DPYSL5: variants seen among roughly 807,000 people sequenced by gnomAD.
DPYSL5 encodes the protein dihydropyrimidinase-related protein 5.
DPYSL5 carries 9 observed loss-of-function variants against 58.4 expected under a neutral mutation model. The observed-to-expected ratio is 0.15, with a 90% CI of 0.09 to 0.27. The LOEUF (loss-of-function observed/expected upper bound fraction) is 0.27. Among genes scored for constraint, DPYSL5 ranks in the 10% least tolerant of loss-of-function variants. The pLI, the probability that DPYSL5 is intolerant of heterozygous loss-of-function variation, is 1.00. For synonymous variants in DPYSL5, 293 were observed against 301.9 expected, an observed-to-expected ratio of 0.97 and a Z score of 0.31; for missense variants, 499 against 770.6, an observed-to-expected ratio of 0.65 and a Z score of 4.17.
At chr2:26,935,383 C>T (rs746144493) in intron 8 of DPYSL5, among the ~76,000 whole-genome samples, 1 of 152,182 alleles carries the variant, frequency 6.6e-6, no homozygotes, top group Non-Finnish European at 1.5e-5. Context: ...CAGCTTCTTT[C>T]TCTCTCCTAT....
chr2:26,927,638 G>C lies in DPYSL5; in HGVS notation c.600+206G>C, dbSNP rs1558348604. On this transcript the variant is annotated intron_variant, in intron 4 of 12. Coordinates refer to ENST00000288699, the MANE Select transcript of DPYSL5 (RefSeq NM_020134.4). This position sits in a 1 kb window ranked among gnomAD's most constrained non-coding sequence, Gnocchi z 4.3. ...CTGTAAAAAACAAATCTCTTTTTATGGTTCAAAAAGGCTTCTAAGTCGTAG... is the reference window on the plus strand; with the variant it reads ...CTGTAAAAAACAAATCTCTTTTTATCGTTCAAAAAGGCTTCTAAGTCGTAG... 6.6e-6 allele frequency among the ~76,000 whole-genome samples: 1 copy of C among 152,164 alleles called. No homozygotes were observed. The highest frequency in any genetic ancestry group is 1.5e-5 in the Non-Finnish European group (1 of 68,026).
Position 26,925,177 on chromosome 2 carries a change from A to G in DPYSL5, c.420+132A>G. 3 of 1,180,888 alleles carry G rather than the reference A, an allele frequency of 2.5e-6. No homozygotes were observed. Among genetic ancestry groups the G allele is most frequent in the Non-Finnish European group, 3.5e-6 (3 of 857,540 alleles). The allele number at this position is 1,180,888 out of a possible 1,614,324, so 73.2% of individuals were successfully genotyped here. The stretch of plus-strand genomic sequence containing the variant: ...CCATCCTAGCTCCCCACAATGCCAA[A>G]AGAAAACACACTTGGGATTCCATAA... On this transcript the variant is annotated intron_variant, in intron 3 of 12. Transcript: ENST00000288699. The surrounding 1 kb of genome is among the most constrained non-coding windows in gnomAD (Gnocchi z 4.5).
At chr2:26,862,083 C>T (rs1666030880) in intron 1 of DPYSL5, among the ~76,000 whole-genome samples, 1 of 152,116 alleles carries the variant, frequency 6.6e-6, no homozygotes, top group South Asian at 2.1e-4. Context: ...CTCCCCCAGG[C>T]AGGTCTCCAG....
intron 2 of DPYSL5, among the ~76,000 whole-genome samples, chr2:26,923,481 C>T (rs1220430994): frequency 6.6e-6 from 1 of 152,112 alleles, no homozygotes; most frequent in Non-Finnish European, 1.5e-5. Context: ...GACTTTGCAT[C>T]CAGAGAAGTT....
chr2:26,866,192 G>A (rs993208954), intron 1 of DPYSL5, among the ~76,000 whole-genome samples: 8 of 152,270 alleles, frequency 5.3e-5, no homozygotes, highest in East Asian at 3.9e-4. Flanking sequence ...ATTACCTAAC[G>A]CTTCTGAACC....
chr2:26,870,239 G>C (rs1176587645), intron 1 of DPYSL5, among the ~76,000 whole-genome samples: 1 of 152,090 alleles, frequency 6.6e-6, no homozygotes, highest in South Asian at 2.1e-4. Context: ...CACTTGAGTC[G>C]TTTTGTCCTG....
chr2:26,896,475 A>C (rs1406265359), intron 1 of DPYSL5, among the ~76,000 whole-genome samples: 1 of 152,188 alleles, frequency 6.6e-6, no homozygotes, highest in East Asian at 1.9e-4. Context: ...GTTTTCCATA[A>C]TGGCTATACT....
intron 1 of DPYSL5, among the ~76,000 whole-genome samples, chr2:26,866,412 C>T (rs1389282751): frequency 6.6e-6 from 1 of 151,920 alleles, no homozygotes; most frequent in Non-Finnish European, 1.5e-5. Flanking sequence ...ATCCCACAAC[C>T]CTAAAATAGC....
rs115086408 is a variant in DPYSL5, at chr2:26,861,223, A to G, written c.-5+12969A>G. ...AACAAGAAAGGCTCTGAGATCAGGA[A>G]GTAGGTATGACCCATTATTGCTGAC... On this transcript the variant is annotated intron_variant, in intron 1 of 12. Coordinates refer to ENST00000288699, the MANE Select transcript of DPYSL5 (RefSeq NM_020134.4). Among the ~76,000 whole-genome samples the G allele has an allele frequency of 6.9e-3, 1,052 of 152,340 alleles. 22 individuals carry two copies. Among genetic ancestry groups the G allele is most frequent in the African/African-American group, 0.024 (1,003 of 41,580 alleles).
chr2:26,928,178 C>T, intron 4 of DPYSL5, 77 bp from the exon 5 acceptor site: 1 of 1,458,106 alleles, frequency 6.9e-7, no homozygotes, highest in East Asian at 2.3e-5. Flanking sequence ...GCATATTTCA[C>T]TGTCCCTTGG....
At chr2:26,926,948 G>C (rs559724469) in intron 3 of DPYSL5, among the ~76,000 whole-genome samples, 1 of 152,176 alleles carries the variant, frequency 6.6e-6, no homozygotes. Flanking sequence ...TACCATTAAG[G>C]CTGGTTTGGA....
chr2:26,867,601 G>C lies in DPYSL5; in HGVS notation c.-5+19347G>C, dbSNP rs898582622. Among the ~76,000 whole-genome samples, 6 of 150,690 alleles carry C rather than the reference G, an allele frequency of 4.0e-5. No individual in the cohort carries two copies. In the East Asian group the frequency reaches 1.2e-3, roughly 29 times the overall value. Reference sequence around the variant, plus strand: ...CTCCCAAGTAGCTGGGACTACAGGCGCCCGCCACTACGCCCGGCTAATTTT... The same window carrying C: ...CTCCCAAGTAGCTGGGACTACAGGCCCCCGCCACTACGCCCGGCTAATTTT... On this transcript the variant is annotated intron_variant, in intron 1 of 12. Coordinates refer to ENST00000288699, the MANE Select transcript of DPYSL5 (RefSeq NM_020134.4).
At chr2:26,904,595 GGAGACCCA>G in intron 2 of DPYSL5, among the ~76,000 whole-genome samples, 1 of 152,228 alleles carries the variant, frequency 6.6e-6, no homozygotes, top group Middle Eastern at 3.4e-3. Context: ...CCCATTGATA[GGAGACCCA>G]GAGAGGATGC....
chr2:26,852,183 T>C (rs947791166), intron 1 of DPYSL5, among the ~76,000 whole-genome samples: 7 of 152,250 alleles, frequency 4.6e-5, no homozygotes, highest in African/African-American at 1.7e-4. Flanking sequence ...GAACAAGATA[T>C]CTTTGTCAAC....
At chr2:26,900,956 C>G (rs997239004) in intron 2 of DPYSL5, among the ~76,000 whole-genome samples, 3 of 152,110 alleles carry the variant, frequency 2.0e-5, no homozygotes, top group Non-Finnish European at 4.4e-5. Context: ...CCAAGAGCGA[C>G]TGGTTTTCCC....
At chr2:26,909,633 G>A (rs1664380859) in intron 2 of DPYSL5, among the ~76,000 whole-genome samples, 1 of 151,966 alleles carries the variant, frequency 6.6e-6, no homozygotes, top group African/African-American at 2.4e-5. Context: ...CAAGCATGAT[G>A]GTGTGTACCT....
intron 2 of DPYSL5, among the ~76,000 whole-genome samples, chr2:26,912,800 A>G (rs1664475080): frequency 6.6e-6 from 1 of 152,210 alleles, no homozygotes; most frequent in East Asian, 1.9e-4. Context: ...ATGTTGGCAC[A>G]ATTCTCAGTT....
intron 1 of DPYSL5, among the ~76,000 whole-genome samples, chr2:26,887,442 C>T (rs995066986): frequency 1.3e-5 from 2 of 152,186 alleles, no homozygotes; most frequent in Non-Finnish European, 2.9e-5. Flanking sequence ...CCCCGCAGGC[C>T]CAGGGGAGCT....
intron 1 of DPYSL5, among the ~76,000 whole-genome samples, chr2:26,881,115 C>T (rs1183258630): frequency 6.6e-6 from 1 of 152,156 alleles, no homozygotes; most frequent in African/African-American, 2.4e-5. Context: ...AGGACGTGCC[C>T]ATAGTCGCAT....
Sources: gnomAD v4.1 joint callset for allele counts (sites outside exome capture counted in the v4.1 genomes callset) on GRCh38, gnomAD v4.1.1 for gene constraint, Gnocchi (gnomAD v3.1) non-coding constraint, MANE v1.5 for transcripts, NCBI Gene and HGNC (gene_info 2026-07-23, HGNC 2026-07-21) for gene names.